EXT2: variants seen among roughly 807,000 people sequenced by gnomAD.
The protein encoded by EXT2 is exostosin-2.
EXT2 carries 53 observed loss-of-function variants against 81.6 expected under a neutral mutation model. The observed-to-expected ratio is 0.65, with a 90% CI of 0.52 to 0.82. The LOEUF (loss-of-function observed/expected upper bound fraction) is 0.82. Ranked by LOEUF, EXT2 falls within the 40% of genes least tolerant of loss-of-function variation. The probability of loss-of-function intolerance (pLI) is 0.00; values close to 1 mark genes in which losing one functional copy is unlikely to be tolerated. For missense variants in EXT2, 774 were observed against 910.2 expected (o/e 0.85, Z 1.93); for synonymous variants, 320 against 340.0 (o/e 0.94, Z 0.65).
intron 7 of EXT2, chr11:44,144,462 T>A: frequency 1.2e-6 from 1 of 843,038 alleles, no homozygotes; most frequent in South Asian, 1.7e-5. Context: ...TTCACCCCAA[T>A]GGCTCTTGGA....
chr11:44,097,076 A>T lies in EXT2; in HGVS notation c.-31+1224A>T, dbSNP rs1400391237. The stretch of plus-strand genomic sequence containing the variant: ...GCTTTGGCATTTCCAGTTGTGTAAT[A>T]TTGGGCCAGGTACTTAAACTTTCTG... On this transcript the variant is annotated intron_variant, in intron 1 of 13. Transcript: ENST00000533608. Among the ~76,000 whole-genome samples, 5 of 152,176 alleles carry T rather than the reference A, an allele frequency of 3.3e-5. 1 individual carries two copies. The highest frequency in any genetic ancestry group is 1.2e-4 in the African/African-American group (5 of 41,440).
At chr11:44,210,707 A>G (rs531473128) in intron 10 of EXT2, among the ~76,000 whole-genome samples, 1 of 152,354 alleles carries the variant, frequency 6.6e-6, no homozygotes, top group African/African-American at 2.4e-5. Flanking sequence ...AATGTTACTT[A>G]TACTCTAGCA....
At chr11:44,122,123 G>A (rs918928929) in intron 4 of EXT2, among the ~76,000 whole-genome samples, 2 of 152,094 alleles carry the variant, frequency 1.3e-5, no homozygotes, top group African/African-American at 2.4e-5. Flanking sequence ...TCTACTTAAA[G>A]AGAAAGGCTC....
At chr11:44,141,417 A>T (rs890045927) in intron 7 of EXT2, among the ~76,000 whole-genome samples, 1 of 152,242 alleles carries the variant, frequency 6.6e-6, no homozygotes, top group African/African-American at 2.4e-5. Flanking sequence ...CAAAAACCAA[A>T]TGAGCAGCAA....
At chr11:44,106,789 C>T (rs1954061766) in intron 1 of EXT2, among the ~76,000 whole-genome samples, 1 of 152,196 alleles carries the variant, frequency 6.6e-6, no homozygotes, top group Admixed American at 6.5e-5. Flanking sequence ...GCCACCACAC[C>T]TGGCTAATTT....
intron 1 of EXT2, among the ~76,000 whole-genome samples, chr11:44,097,796 A>G (rs1953922869): frequency 6.6e-6 from 1 of 151,356 alleles, no homozygotes; most frequent in Admixed American, 6.6e-5. Flanking sequence ...AAATAAATAA[A>G]TAAAATAAAA....
chr11:44,189,077 C>T (rs1422831047), intron 8 of EXT2, among the ~76,000 whole-genome samples: 3 of 152,182 alleles, frequency 2.0e-5, no homozygotes, highest in African/African-American at 7.2e-5. Context: ...CATATTTGGC[C>T]TGCTCTTGTG....
chr11:44,241,462 T>C (rs758882595), intron 13 of EXT2, among the ~76,000 whole-genome samples: 1 of 152,196 alleles, frequency 6.6e-6, no homozygotes, highest in Non-Finnish European at 1.5e-5. Context: ...GTTCAACAAA[T>C]ATTTATTGAG....
At chr11:44,180,770 G>A (rs1296729195) in intron 8 of EXT2, among the ~76,000 whole-genome samples, 1 of 152,060 alleles carries the variant, frequency 6.6e-6, no homozygotes, top group Non-Finnish European at 1.5e-5. Context: ...TTAAGAAATG[G>A]ATGAAGGGAG....
intron 1 of EXT2, among the ~76,000 whole-genome samples, chr11:44,097,650 G>A (rs1293052664): frequency 6.6e-6 from 1 of 151,956 alleles, no homozygotes; most frequent in African/African-American, 2.4e-5. Context: ...AATTAGCTGG[G>A]TGTGGTAGCA....
intron 5 of EXT2, among the ~76,000 whole-genome samples, chr11:44,125,775 T>G (rs1954393490): frequency 6.6e-6 from 1 of 152,046 alleles, no homozygotes; most frequent in Admixed American, 6.6e-5. Flanking sequence ...GTCTGGCTGG[T>G]AACAGTGGTG....
intron 13 of EXT2, among the ~76,000 whole-genome samples, chr11:44,243,230 G>A (rs1021673852): frequency 2.6e-5 from 4 of 152,102 alleles, no homozygotes; most frequent in African/African-American, 9.7e-5. Context: ...TTTTCCAGGC[G>A]TTTTCCCTCT....
chr11:44,097,247 G>A (rs928759393), intron 1 of EXT2, among the ~76,000 whole-genome samples: 2 of 152,190 alleles, frequency 1.3e-5, no homozygotes, highest in African/African-American at 4.8e-5. Flanking sequence ...TATTAATTAT[G>A]TAATGACACA....
intron 6 of EXT2, among the ~76,000 whole-genome samples, chr11:44,127,751 C>T (rs770254262): frequency 2.0e-5 from 3 of 152,048 alleles, no homozygotes; most frequent in Admixed American, 6.5e-5. Flanking sequence ...AATGTTAAAG[C>T]TCCCAGGTGA....
intron 7 of EXT2, among the ~76,000 whole-genome samples, chr11:44,158,499 T>G (rs1954885358): frequency 6.6e-6 from 1 of 152,082 alleles, no homozygotes; most frequent in South Asian, 2.1e-4. Context: ...CAAAGAAAGA[T>G]TCCTTCCAAA....
At chr11:44,187,062 C>G (rs1590631586) in intron 8 of EXT2, among the ~76,000 whole-genome samples, 1 of 144,914 alleles carries the variant, frequency 6.9e-6, no homozygotes, top group Non-Finnish European at 1.5e-5. Context: ...TCCCTCCTCC[C>G]TCCCTCCGTC....
intron 2 of EXT2, 43 bp downstream of exon 2, chr11:44,108,291 G>A: frequency 6.3e-7 from 1 of 1,594,572 alleles, no homozygotes. Flanking sequence ...AGATACTTGA[G>A]TGGCCCTCAG....
At position 44,200,195 on chromosome 11, in the gene EXT2, C is replaced by G. The variant is rs142678097; in HGVS notation, c.1495+2177C>G. On this transcript the variant is annotated intron_variant, in intron 9 of 13. Transcript: ENST00000533608. ...GTCCAAGTCTTTGAAATATTAGAGG[C>G]AAAAGTGATGTTTTTCGCTTTCTCT... Among the ~76,000 whole-genome samples the G allele has an allele frequency of 2.7e-4, 41 of 149,522 alleles. No homozygotes were observed. The East Asian group carries it at 6.2e-3, about 23-fold the overall frequency.
intron 7 of EXT2, among the ~76,000 whole-genome samples, chr11:44,134,275 G>T (rs11037884): frequency 0.016 from 2,502 of 152,232 alleles, 68 homozygotes; most frequent in African/African-American, 0.057. Context: ...AATCCCTAAT[G>T]TTTTTTGGTG....
Sources: allele counts gnomAD v4.1 joint callset (sites outside exome capture counted in the v4.1 genomes callset), GRCh38; gene constraint gnomAD v4.1.1; transcripts MANE v1.5; gene names NCBI Gene and HGNC (gene_info 2026-07-23, HGNC 2026-07-21).